The following HSDL2 variants were observed in gnomAD, a reference collection of about 807,000 sequenced individuals.
The protein encoded by HSDL2 is hydroxysteroid dehydrogenase like 2.
In HSDL2, 27 loss-of-function variants were observed where a neutral mutation model predicts 46.3. The ratio of observed to expected loss-of-function variants is 0.58; its 90% CI spans 0.43 to 0.80. The LOEUF is 0.80. Ranked by LOEUF, HSDL2 falls within the 30% of genes least tolerant of loss-of-function variation. HSDL2 has a pLI of 0.00. For missense variants in HSDL2, 451 were observed against 502.7 expected (o/e 0.90, Z 0.98); for synonymous variants, 153 against 163.6 (o/e 0.94, Z 0.50).
At chr9:112,436,960 C>CTTTTTTTTTTTTTTTTTTTTTTT (rs780957603) in intron 6 of HSDL2, among the ~76,000 whole-genome samples, 9 of 126,778 alleles carry the variant, frequency 7.1e-5, no homozygotes, top group Non-Finnish European at 9.6e-5. Context: ...TTCTTTTTTT[C>CTTTTTTTTTTTTTTTTTTTTTTT]TTTTTTTTTT....
At chr9:112,447,424 C>A (rs1021402409) in intron 8 of HSDL2, among the ~76,000 whole-genome samples, 1 of 152,118 alleles carries the variant, frequency 6.6e-6, no homozygotes, top group South Asian at 2.1e-4. Flanking sequence ...GCTGCAATCT[C>A]CTTGGCACCT....
intron 1 of HSDL2, among the ~76,000 whole-genome samples, chr9:112,398,857 T>C (rs569590620): frequency 1.3e-5 from 2 of 152,130 alleles, no homozygotes; most frequent in Non-Finnish European, 2.9e-5. Flanking sequence ...ATATTTTCCA[T>C]AGGTACCTGA....
At chr9:112,407,445 C>G (rs1293594463) in intron 3 of HSDL2, among the ~76,000 whole-genome samples, 1 of 151,932 alleles carries the variant, frequency 6.6e-6, no homozygotes, top group Admixed American at 6.6e-5. Flanking sequence ...GAAACAGGGT[C>G]TCACTCTGTC....
intron 1 of HSDL2, among the ~76,000 whole-genome samples, chr9:112,398,931 T>C (rs1831524700): frequency 6.6e-6 from 1 of 152,204 alleles, no homozygotes; most frequent in South Asian, 2.1e-4. Context: ...AGACTTCGTG[T>C]GACCCATAGT....
intron 10 of HSDL2, among the ~76,000 whole-genome samples, chr9:112,463,620 T>G (rs1833279868): frequency 6.6e-6 from 1 of 152,182 alleles, no homozygotes; most frequent in African/African-American, 2.4e-5. Context: ...TTTTTTATTA[T>G]AGCCATTCTA....
intron 8 of HSDL2, among the ~76,000 whole-genome samples, chr9:112,446,300 A>T (rs1379059429): frequency 6.6e-6 from 1 of 152,134 alleles, no homozygotes; most frequent in Non-Finnish European, 1.5e-5. Flanking sequence ...CAAGGCTGAC[A>T]TGTGACCTTC....
chr9:112,426,257 A>C (rs1832243775), intron 6 of HSDL2, among the ~76,000 whole-genome samples: 1 of 106,532 alleles, frequency 9.4e-6, no homozygotes, highest in Non-Finnish European at 1.8e-5. Flanking sequence ...TTTTTTTGAG[A>C]TGGAGTCTTG....
At chr9:112,395,592 C>T (rs1489001220) in intron 1 of HSDL2, among the ~76,000 whole-genome samples, 2 of 152,174 alleles carry the variant, frequency 1.3e-5, no homozygotes, top group Non-Finnish European at 2.9e-5. Flanking sequence ...ACAGTAAAAG[C>T]AAATTTTGAC....
intron 10 of HSDL2, among the ~76,000 whole-genome samples, chr9:112,467,338 A>G (rs1833422248): frequency 6.6e-6 from 1 of 152,218 alleles, no homozygotes; most frequent in South Asian, 2.1e-4. Flanking sequence ...ATCCTTTTAT[A>G]TTAAATATCT....
intron 1 of HSDL2, among the ~76,000 whole-genome samples, chr9:112,400,417 G>A (rs1223699999): frequency 6.6e-6 from 1 of 152,160 alleles, no homozygotes; most frequent in Non-Finnish European, 1.5e-5. Flanking sequence ...GACCATCCTG[G>A]CCAACATGGT....
chr9:112,449,182 G>A (rs1038440232), intron 8 of HSDL2, among the ~76,000 whole-genome samples: 3 of 148,980 alleles, frequency 2.0e-5, no homozygotes, highest in Non-Finnish European at 3.0e-5. Context: ...TGCCTCCCAG[G>A]TTCAAGCAAT....
At chr9:112,428,905 CT>C (rs1272280334) in intron 6 of HSDL2, among the ~76,000 whole-genome samples, 2 of 152,190 alleles carry the variant, frequency 1.3e-5, no homozygotes, top group Admixed American at 1.3e-4. Flanking sequence ...TTGTCACTTT[CT>C]TTTTTGATTT....
intron 6 of HSDL2, among the ~76,000 whole-genome samples, chr9:112,432,776 T>G (rs1287997558): frequency 1.3e-5 from 2 of 152,184 alleles, no homozygotes; most frequent in African/African-American, 4.8e-5. Context: ...TGTTGTGTTT[T>G]GTTTTTGTTT....
rs1487314179 is a variant in HSDL2 at position 112,470,747 on chromosome 9, T to A, written c.*203T>A. 5 of 402,268 alleles carry A rather than the reference T, an allele frequency of 1.2e-5. No homozygotes were observed. The highest frequency in any genetic ancestry group is 2.2e-5 in the Non-Finnish European group (5 of 225,166). 24.9% of individuals were successfully genotyped at this position (402,268 alleles called of 1,614,324 possible). ...AAACATAAGCTTCATTAAGTGGGAT[T>A]CTAAGACAGTCTGTGTTTTTATATT... On this transcript the variant is annotated 3_prime_UTR_variant, in exon 11 of 11. Coordinates refer to ENST00000398805, the MANE Select transcript of HSDL2 (RefSeq NM_032303.5).
At chr9:112,405,526 G>T in intron 2 of HSDL2, 98 bp from the exon 3 acceptor site, 1 of 776,502 alleles carries the variant, frequency 1.3e-6, no homozygotes. Context: ...TTGATTTTCT[G>T]AAAACAGGGT....
intron 3 of HSDL2, among the ~76,000 whole-genome samples, chr9:112,408,366 A>C (rs1366879070): frequency 6.6e-6 from 1 of 152,180 alleles, no homozygotes; most frequent in Non-Finnish European, 1.5e-5. Flanking sequence ...AGCTCTGGCA[A>C]TTGGCTATAT....
At chr9:112,446,111 A>AT (rs35439887) in intron 8 of HSDL2, among the ~76,000 whole-genome samples, 123,919 of 150,448 alleles carry the variant, frequency 0.82, 51,584 homozygotes, top group African/African-American at 0.94. Flanking sequence ...GCATCAGGTT[A>AT]TTTTTTTTTT....
chr9:112,382,147 G>C (rs1831113061), intron 1 of HSDL2, among the ~76,000 whole-genome samples: 1 of 152,200 alleles, frequency 6.6e-6, no homozygotes, highest in Admixed American at 6.5e-5. Flanking sequence ...TGTAATCCCA[G>C]CTACTCAGGA....
intron 10 of HSDL2, among the ~76,000 whole-genome samples, chr9:112,463,462 T>C (rs902207174): frequency 1.3e-5 from 2 of 152,126 alleles, no homozygotes; most frequent in African/African-American, 4.8e-5. Flanking sequence ...ACTATACCAT[T>C]TTTATAGTCC....
Sources: allele counts gnomAD v4.1 joint callset (sites outside exome capture counted in the v4.1 genomes callset), GRCh38; gene constraint gnomAD v4.1.1; transcripts MANE v1.5; gene names NCBI Gene and HGNC (gene_info 2026-07-23, HGNC 2026-07-21).